The following UBAC2 variants were observed in gnomAD, a reference collection of about 807,000 sequenced individuals.
The protein encoded by UBAC2 is ubiquitin-associated domain-containing protein 2.
A neutral mutation model predicts 44.0 loss-of-function variants in UBAC2; 26 were observed. The observed-to-expected ratio is 0.59, with a 90% confidence interval of 0.43 to 0.82. UBAC2 has a LOEUF of 0.82. Ranked by LOEUF, UBAC2 falls within the 40% of genes least tolerant of loss-of-function variation. The probability of loss-of-function intolerance (pLI) is 0.00; values close to 1 mark genes in which losing one functional copy is unlikely to be tolerated. For missense variants in UBAC2, 329 were observed against 419.4 expected (o/e 0.78, Z 1.88); for synonymous variants, 155 against 154.3 (o/e 1.00, Z -0.04).
intron 4 of UBAC2, 111 bp from the exon 5 acceptor site, chr13:99,313,986 C>A: frequency 9.6e-7 from 1 of 1,042,112 alleles, no homozygotes; most frequent in Non-Finnish European, 1.4e-6. Flanking sequence ...ATATCTAAGA[C>A]CATGCTTTCA....
At chr13:99,363,115 C>T (rs1014909855) in intron 7 of UBAC2, among the ~76,000 whole-genome samples, 2 of 152,116 alleles carry the variant, frequency 1.3e-5, no homozygotes, top group African/African-American at 4.8e-5. Flanking sequence ...AGCCAGTTGT[C>T]CCAGGACTGT....
chr13:99,257,265 T>C (rs1257281035), intron 4 of UBAC2, among the ~76,000 whole-genome samples: 1 of 152,218 alleles, frequency 6.6e-6, no homozygotes, highest in Non-Finnish European at 1.5e-5. Flanking sequence ...AGAGAAAAAT[T>C]ATATCTCTAG....
At chr13:99,270,886 T>G (rs993689985) in intron 4 of UBAC2, among the ~76,000 whole-genome samples, 3 of 152,236 alleles carry the variant, frequency 2.0e-5, no homozygotes, top group African/African-American at 7.2e-5. Flanking sequence ...AAGTAGCCAC[T>G]TAGTAAATGT....
At chr13:99,204,223 C>T (rs1290217475) in intron 1 of UBAC2, among the ~76,000 whole-genome samples, 2 of 152,138 alleles carry the variant, frequency 1.3e-5, no homozygotes, top group African/African-American at 2.4e-5. Context: ...TAAAAAAGAA[C>T]GTTTGTCCTC....
chr13:99,242,214 G>A (rs1248836775), intron 2 of UBAC2, among the ~76,000 whole-genome samples: 1 of 151,652 alleles, frequency 6.6e-6, no homozygotes, highest in Non-Finnish European at 1.5e-5. Flanking sequence ...CCACAAAACC[G>A]CCATTGTCAT....
intron 7 of UBAC2, among the ~76,000 whole-genome samples, chr13:99,360,149 G>A (rs2045246093): frequency 6.6e-6 from 1 of 152,188 alleles, no homozygotes; most frequent in South Asian, 2.1e-4. Context: ...AGCTCAGGCT[G>A]CAGTGAGCTG....
chr13:99,276,958 G>A (rs1245546153), intron 4 of UBAC2, among the ~76,000 whole-genome samples: 2 of 152,158 alleles, frequency 1.3e-5, no homozygotes, highest in Non-Finnish European at 2.9e-5. Flanking sequence ...CTTCTGGAAA[G>A]CCCTGGCCCT....
At chr13:99,366,408 A>G (rs2045331215) in intron 7 of UBAC2, among the ~76,000 whole-genome samples, 1 of 152,214 alleles carries the variant, frequency 6.6e-6, no homozygotes, top group African/African-American at 2.4e-5. Context: ...AGGCAAGAGA[A>G]TATCTCTCCA....
Position 99,259,274 on chromosome 13 carries a change from T to A in UBAC2, c.389+14650T>A, listed in dbSNP as rs185816279. On this transcript the variant is annotated intron_variant, in intron 4 of 8. Transcript: ENST00000403766. Reference sequence around the variant, plus strand: ...TTTATGTTTGGTTATGCATGGTTTGTCAACTTTTTAAAGGGTTCATGAACT... The same window carrying A: ...TTTATGTTTGGTTATGCATGGTTTGACAACTTTTTAAAGGGTTCATGAACT... Among the ~76,000 whole-genome samples, 77 of 152,328 alleles carry A rather than the reference T, an allele frequency of 5.1e-4. 1 individual carries two copies. The highest frequency in any genetic ancestry group is 4.6e-3 in the Admixed American group (70 of 15,302).
chr13:99,215,852 C>T (rs2042987854), intron 1 of UBAC2: 1 of 508,044 alleles, frequency 2.0e-6, no homozygotes, highest in African/African-American at 1.9e-5. Flanking sequence ...CACCGTGATT[C>T]AAACTGCCCT....
At chr13:99,249,514 G>A (rs1320907249) in intron 4 of UBAC2, among the ~76,000 whole-genome samples, 1 of 152,168 alleles carries the variant, frequency 6.6e-6, no homozygotes, top group African/African-American at 2.4e-5. Context: ...GAGTGCGTGT[G>A]TCTTTTTGGT....
intron 4 of UBAC2, among the ~76,000 whole-genome samples, chr13:99,298,527 TATTTAAAAAAGGAAAG>T: frequency 6.6e-6 from 1 of 152,324 alleles, no homozygotes; most frequent in African/African-American, 2.4e-5. Context: ...TGAATGCATT[TATTTAAAAAAGGAAAG>T]ATTTAAAATA....
At chr13:99,298,495 A>G (rs1452392610) in intron 4 of UBAC2, among the ~76,000 whole-genome samples, 1 of 152,188 alleles carries the variant, frequency 6.6e-6, no homozygotes, top group African/African-American at 2.4e-5. Flanking sequence ...AGATAAGGCA[A>G]TCTGAGATAG....
intron 7 of UBAC2, among the ~76,000 whole-genome samples, chr13:99,347,417 G>A (rs1001496484): frequency 1.0e-4 from 15 of 148,952 alleles, no homozygotes; most frequent in African/African-American, 2.5e-4. Context: ...AAGGGGCTTC[G>A]GTGGAGAGAT....
chr13:99,347,321 C>CT (rs1491337756), intron 7 of UBAC2, among the ~76,000 whole-genome samples: 1 of 11,372 alleles, frequency 8.8e-5, no homozygotes, highest in African/African-American at 3.3e-4. Flanking sequence ...CCCCGGGCGC[C>CT]CCCCCCCCCC....
intron 4 of UBAC2, among the ~76,000 whole-genome samples, chr13:99,277,359 C>G (rs1049606998): frequency 1.3e-5 from 2 of 152,050 alleles, no homozygotes; most frequent in Non-Finnish European, 2.9e-5. Flanking sequence ...AACCCCGTCT[C>G]TACTAAAAAT....
chr13:99,296,762 A>C (rs2044180478), intron 4 of UBAC2, among the ~76,000 whole-genome samples: 1 of 152,168 alleles, frequency 6.6e-6, no homozygotes, highest in Non-Finnish European at 1.5e-5. Context: ...TTTTAAAAAG[A>C]AGAAGACGAC....
chr13:99,341,166 G>A (rs1342809146), intron 7 of UBAC2, among the ~76,000 whole-genome samples: 2 of 152,222 alleles, frequency 1.3e-5, no homozygotes, highest in Admixed American at 6.5e-5. Flanking sequence ...GTGCACATCA[G>A]GCTAAAACCT....
At chr13:99,385,177 A>T in intron 8 of UBAC2, 51 bp from the exon 9 acceptor site, 1 of 1,353,122 alleles carries the variant, frequency 7.4e-7, no homozygotes, top group Non-Finnish European at 1.1e-6. Flanking sequence ...GGGCCCAGGG[A>T]TAAGCGGCAA....
Sources: allele counts gnomAD v4.1 joint callset (sites outside exome capture counted in the v4.1 genomes callset), GRCh38; gene constraint gnomAD v4.1.1; transcripts MANE v1.5; gene names NCBI Gene and HGNC (gene_info 2026-07-23, HGNC 2026-07-21).